The following PCBP4 variants were observed in gnomAD, a reference collection of about 807,000 sequenced individuals.
PCBP4 encodes the protein poly(rC)-binding protein 4.
Under a neutral mutation model 46.2 loss-of-function variants are expected in PCBP4, and 24 were observed. The observed-to-expected ratio is 0.52, with a 90% CI of 0.38 to 0.73. The LOEUF (loss-of-function observed/expected upper bound fraction) is 0.73, where lower values mean the gene tolerates loss of function less well. Among genes scored for constraint, PCBP4 ranks in the 30% least tolerant of loss-of-function variants. The pLI is 0.00. For missense variants in PCBP4, 407 were observed against 537.0 expected (o/e 0.76, Z 2.39); for synonymous variants, 203 against 224.4 (o/e 0.90, Z 0.85).
intron 1 of PCBP4, among the ~76,000 whole-genome samples, chr3:51,965,867 A>G (rs1700396829): frequency 6.6e-6 from 1 of 151,742 alleles, no homozygotes; most frequent in Admixed American, 6.6e-5. Context: ...TTAGGTTTTC[A>G]GAGGGTGGGA....
In PCBP4 at chr3:51,959,775, C is replaced by T; in HGVS notation, c.516+120G>A. On this transcript the variant is annotated intron_variant, in intron 8 of 13. Coordinates refer to ENST00000461554, the MANE Select transcript of PCBP4 (RefSeq NM_001174100.2). The surrounding 1 kb of genome is among the most constrained non-coding windows in gnomAD (Gnocchi z 5.6). ...AATGCACATGATCCCTGGAGCTCAT[C>T]ATCCATCCCTGCAGCCCTGCCCTGC... 3 of 1,487,060 alleles carry T rather than the reference C, an allele frequency of 2.0e-6. No individual in the cohort carries two copies. The highest frequency in any genetic ancestry group is 2.7e-6 in the Non-Finnish European group (3 of 1,093,120). 92.1% of individuals were successfully genotyped at this position (1,487,060 alleles called of 1,614,324 possible).
chr3:51,962,950 T>C (rs752535389), intron 1 of PCBP4: 1 of 152,312 alleles, frequency 6.6e-6, no homozygotes, highest in Non-Finnish European at 1.5e-5. Flanking sequence ...GCCAGCCTCA[T>C]GCTGGCTGCC....
Position 51,961,295 on chromosome 3 carries a change from C to T in PCBP4, c.-55G>A, listed in dbSNP as rs2535648. The T allele has an allele frequency of 3.2e-6, 5 of 1,570,084 alleles. 1 individual carries two copies. The Admixed American group carries it at 8.9e-5, about 28-fold the overall frequency. ...CCTGCGAGTGTGTCCGCGCTGCAAC[C>T]TGGCCGGCTCTGGCAGGGGCAGCCA... On this transcript the variant is annotated 5_prime_UTR_variant, in exon 3 of 14. Coordinates refer to ENST00000461554, the MANE Select transcript of PCBP4 (RefSeq NM_001174100.2).
chr3:51,960,980 G>A lies in PCBP4; in HGVS notation c.105+30C>T. On this transcript the variant is annotated intron_variant, in intron 4 of 13. Coordinates refer to ENST00000461554, the MANE Select transcript of PCBP4 (RefSeq NM_001174100.2). The surrounding 1 kb of genome is among the most constrained non-coding windows in gnomAD (Gnocchi z 5.0). ...CCTGGGCTGAAGCCTCAGCTGGAGG[G>A]GGATGTACAGAGCAGAGCTAGGCAC... The A allele has an allele frequency of 6.2e-7, 1 of 1,614,190 alleles. No homozygotes were observed. Among genetic ancestry groups the A allele is most frequent in the Non-Finnish European group, 8.5e-7 (1 of 1,180,008 alleles).
At position 51,960,196 on chromosome 3, in the gene PCBP4, A is replaced by G. The variant is rs1443272466; in HGVS notation, c.380T>C (p.Ile127Thr). The G allele has an allele frequency of 1.2e-6, 2 of 1,613,948 alleles. No homozygotes were observed. Among genetic ancestry groups the G allele is most frequent in the Admixed American group, 3.3e-5 (2 of 60,024 alleles). Residue 127 changes from isoleucine to threonine, a missense_variant, in exon 7 of 14, where the codon ATC becomes ACC. By Grantham distance (89) the Ile-to-Thr change is moderately conservative. Coordinates refer to ENST00000461554, the MANE Select transcript of PCBP4 (RefSeq NM_001174100.2). This position sits in a 1 kb window ranked among gnomAD's most constrained non-coding sequence, Gnocchi z 5.0. ...IGKAGTKIKE[I>T]RETTGAQVQV... is the part of the protein sequence containing the mutation. ...GTATATCTCGCCCCTCACCTCTCGG[A>G]TCTCCTTGATCTTGGTGCCAGCCTT...
chr3:51,958,236 A>G lies in PCBP4; in HGVS notation c.1037T>C (p.Leu346Pro). The G allele has an allele frequency of 6.2e-7, 1 of 1,608,602 alleles. No homozygotes were observed. The highest frequency in any genetic ancestry group is 1.1e-5 in the South Asian group (1 of 90,444). ...GAGGGAGATGGCATAGGGTGTGCCC[A>G]GCAGGCCAGGGGGAGCTGTGGGCAG... ...TALPTAPPGL[L>P]GTPYAISLSN... The change falls in exon 14 of 14, where the codon CTG (leucine) becomes CCG (proline). Residue 346 changes from leucine to proline, a missense_variant. Physicochemically the swap from Leu to Pro is moderately conservative, Grantham distance 98. Coordinates refer to ENST00000461554, the MANE Select transcript of PCBP4 (RefSeq NM_001174100.2). The surrounding 1 kb of genome is among the most constrained non-coding windows in gnomAD (Gnocchi z 5.4).
chr3:51,962,357 C>G (rs1220056157), intron 1 of PCBP4, among the ~76,000 whole-genome samples: 1 of 152,110 alleles, frequency 6.6e-6, no homozygotes, highest in Non-Finnish European at 1.5e-5. Flanking sequence ...CCACCCGACC[C>G]TTTTTCATGC....
In PCBP4 at chr3:51,959,648, G is replaced by C. The variant is rs1268400030; in HGVS notation, c.520C>G (p.Pro174Ala). ...RQICAVILESPPKGATIPYHP... is the reference protein window; with the variant it reads ...RQICAVILESAPKGATIPYHP... ...TAGGGGATAGTGGCTCCTTTGGGTG[G>C]GGACTGGAAGGCATAAACAGGGCTC... The change falls in exon 9 of 14, where the codon CCA (proline) becomes GCA (alanine). Residue 174 changes from proline (P) to alanine (A), a missense_variant. Coordinates refer to ENST00000461554, the MANE Select transcript of PCBP4 (RefSeq NM_001174100.2). The surrounding 1 kb of genome is among the most constrained non-coding windows in gnomAD (Gnocchi z 5.6). 6.4e-7 allele frequency: 1 copy of C among 1,551,432 alleles called. No homozygotes were observed. Among genetic ancestry groups the C allele is most frequent in the East Asian group, 2.4e-5 (1 of 40,950 alleles).
chr3:51,960,271 A>G lies in PCBP4; in HGVS notation c.305T>C (p.Val102Ala). The part of the protein sequence containing the change: ...ANGGNVSRPP[V>A]TLRLVIPASQ... ...GGCAGGGATGACAAGGCGCAGGGTC[A>G]CTGGAGGCCTGGAGACATTTCCACC... The change falls in exon 7 of 14, where the codon GTG becomes GCG. Residue 102 changes from valine to alanine, a missense_variant. Val to Ala is a moderately conservative substitution (Grantham distance 64, BLOSUM62 0). Transcript: ENST00000461554. This position sits in a 1 kb window ranked among gnomAD's most constrained non-coding sequence, Gnocchi z 5.0. The G allele has an allele frequency of 6.2e-7, 1 of 1,614,084 alleles. No individual in the cohort carries two copies. The highest frequency in any genetic ancestry group is 1.3e-5 in the African/African-American group (1 of 75,068).
chr3:51,961,029 A>G lies in PCBP4; in HGVS notation c.86T>C (p.Val29Ala). Residue 29 changes from valine (V) to alanine (A), a missense_variant, in exon 4 of 14, where the codon GTG becomes GCG. Coordinates refer to ENST00000461554, the MANE Select transcript of PCBP4 (RefSeq NM_001174100.2). ...TLRMLMHGKE[V>A]GSIIGKKGET... is the part of the protein sequence containing the mutation. ...ACCTACCTTCCCGATGATGCTGCCC[A>G]CTTCCTGCGGACAAGACAAGAGCCG... is the stretch of plus-strand genomic sequence containing the variant. The G allele has an allele frequency of 6.2e-7, 1 of 1,614,198 alleles. No individual in the cohort carries two copies. Among genetic ancestry groups the G allele is most frequent in the Non-Finnish European group, 8.5e-7 (1 of 1,180,034 alleles).
In PCBP4 at chr3:51,959,024, C is replaced by T. The variant is rs765612705; in HGVS notation, c.753+23G>A. 6.2e-7 allele frequency: 1 copy of T among 1,613,332 alleles called. No homozygotes were observed. Among genetic ancestry groups the T allele is most frequent in the Non-Finnish European group, 8.5e-7 (1 of 1,179,506 alleles). ...ACCCCCAGACCCCCTACCCACCCTC[C>T]AGCCATCCCATCCCCTGCTCACATC... On this transcript the variant is annotated intron_variant, in intron 12 of 13. Transcript: ENST00000461554. The surrounding 1 kb of genome is among the most constrained non-coding windows in gnomAD (Gnocchi z 5.6).
Position 51,960,572 on chromosome 3 carries a change from G to A in PCBP4, c.209C>T (p.Ala70Val), listed in dbSNP as rs1287935814. The part of the protein sequence containing the change: ...ERITTITGST[A>V]AVFHAVSMIA... Reference sequence around the variant, plus strand: ...CATGGAGACTGCATGGAAGACAGCTGCTGTAGACCCGGTGATGGTGGTGAT... The same window carrying A: ...CATGGAGACTGCATGGAAGACAGCTACTGTAGACCCGGTGATGGTGGTGAT... Residue 70 changes from alanine (A) to valine (V), a missense_variant, in exon 6 of 14, where the codon GCA (alanine) becomes GTA (valine). Ala to Val is a moderately conservative substitution (Grantham distance 64, BLOSUM62 0). Coordinates refer to ENST00000461554, the MANE Select transcript of PCBP4 (RefSeq NM_001174100.2). This position sits in a 1 kb window ranked among gnomAD's most constrained non-coding sequence, Gnocchi z 5.0. The A allele has an allele frequency of 3.7e-6, 6 of 1,614,030 alleles. No homozygotes were observed. In the African/African-American group the frequency reaches 8.0e-5, roughly 22 times the overall value.
chr3:51,960,350 G>A lies in PCBP4; in HGVS notation c.256-30C>T. 6.2e-7 allele frequency: 1 copy of A among 1,606,506 alleles called. No homozygotes were observed. On this transcript the variant is annotated intron_variant, in intron 6 of 13. Coordinates refer to ENST00000461554, the MANE Select transcript of PCBP4 (RefSeq NM_001174100.2). This position sits in a 1 kb window ranked among gnomAD's most constrained non-coding sequence, Gnocchi z 5.0. ...GACAGGGAGACGGTGGGTTGGCCAT[G>A]CTCGTCCCTGCTATATCTGCCCAGG...
At position 51,960,151 on chromosome 3, in the gene PCBP4, C is replaced by T. The variant is rs1045094275; in HGVS notation, c.387+38G>A. 3.1e-6 allele frequency: 5 copies of T among 1,614,032 alleles called. No homozygotes were observed. The African/African-American group carries it at 5.3e-5, about 17-fold the overall frequency. ...CACCCCTCTTACAACTGCTCCCTTG[C>T]CCCGGATTCCCTGTGGGTGGTATAT... On this transcript the variant is annotated intron_variant, in intron 7 of 13. Transcript: ENST00000461554. The surrounding 1 kb of genome is among the most constrained non-coding windows in gnomAD (Gnocchi z 5.0).
Position 51,961,268 on chromosome 3 carries a change from G to A in PCBP4, c.-28C>T, listed in dbSNP as rs1700163390. 1.2e-5 allele frequency: 19 copies of A among 1,605,838 alleles called. No individual in the cohort carries two copies. The highest frequency in any genetic ancestry group is 2.2e-5 in the East Asian group (1 of 44,712). On this transcript the variant is annotated 5_prime_UTR_variant, in exon 3 of 14. Coordinates refer to ENST00000461554, the MANE Select transcript of PCBP4 (RefSeq NM_001174100.2). ...TGTCAGGCGAGGCTGGGGCCACAGCGACCTGCGAGTGTGTCCGCGCTGCAA... is the reference window on the plus strand; with the variant it reads ...TGTCAGGCGAGGCTGGGGCCACAGCAACCTGCGAGTGTGTCCGCGCTGCAA...
Position 51,959,243 on chromosome 3 carries a change from G to T in PCBP4, c.686C>A (p.Pro229His). 6.2e-7 allele frequency: 1 copy of T among 1,613,986 alleles called. No individual in the cohort carries two copies. Among genetic ancestry groups the T allele is most frequent in the Non-Finnish European group, 8.5e-7 (1 of 1,179,966 alleles). ...GGGTGGCTTACCTGGCACCACGCTGGGTGTGGCAAAGGGGACCGCATGGCT... is the reference window on the plus strand; with the variant it reads ...GGGTGGCTTACCTGGCACCACGCTGTGTGTGGCAAAGGGGACCGCATGGCT... Reference protein sequence around the residue: ...LSSHAVPFATPSVVPGLDPGT... With the variant: ...LSSHAVPFATHSVVPGLDPGT... The change falls in exon 11 of 14, where the codon CCC (proline) becomes CAC (histidine). Residue 229 changes from proline to histidine, a missense_variant. Transcript: ENST00000461554. The surrounding 1 kb of genome is among the most constrained non-coding windows in gnomAD (Gnocchi z 5.6).
At chr3:51,962,201 T>C (rs1000387144) in intron 1 of PCBP4, 113 bp from the exon 2 acceptor site, 2 of 152,114 alleles carry the variant, frequency 1.3e-5, no homozygotes, top group Non-Finnish European at 2.9e-5. Context: ...TCCTCACTTA[T>C]AAAATGGAGG....
chr3:51,963,981 G>A (rs1700298339), intron 1 of PCBP4, among the ~76,000 whole-genome samples: 2 of 152,192 alleles, frequency 1.3e-5, no homozygotes, highest in Non-Finnish European at 2.9e-5. Flanking sequence ...TCTTTGCCGG[G>A]CCACCCACGT....
At position 51,959,707 on chromosome 3, in the gene PCBP4, C is replaced by G; in HGVS notation, c.517-56G>C. 1 of 1,506,682 alleles carries G rather than the reference C, an allele frequency of 6.6e-7. No homozygotes were observed. Among genetic ancestry groups the G allele is most frequent in the Non-Finnish European group, 9.0e-7 (1 of 1,107,684 alleles). 93.3% of individuals were successfully genotyped at this position (1,506,682 alleles called of 1,614,324 possible). ...CCCTCTCAGGCTCCGATAACCTCCC[C>G]AGCTGCCCAGTGGCCTCAGGCCCCC... On this transcript the variant is annotated intron_variant, in intron 8 of 13. Coordinates refer to ENST00000461554, the MANE Select transcript of PCBP4 (RefSeq NM_001174100.2). The surrounding 1 kb of genome is among the most constrained non-coding windows in gnomAD (Gnocchi z 5.6).
Sources: gnomAD v4.1 joint callset for allele counts (sites outside exome capture counted in the v4.1 genomes callset) on GRCh38, gnomAD v4.1.1 for gene constraint, Gnocchi (gnomAD v3.1) non-coding constraint, MANE v1.5 for transcripts, NCBI Gene and HGNC (gene_info 2026-07-23, HGNC 2026-07-21) for gene names.